Variants in DNAH12 observed in about 807,000 individuals in gnomAD.
The protein encoded by DNAH12 is dynein axonemal heavy chain 12.
A neutral mutation model predicts 371.5 loss-of-function variants in DNAH12; 285 were observed. The ratio of observed to expected loss-of-function variants is 0.77; its 90% CI spans 0.70 to 0.85. The LOEUF (loss-of-function observed/expected upper bound fraction) is 0.85. DNAH12 is among the 40% of genes least tolerant of loss of function. The pLI, the probability that DNAH12 is intolerant of heterozygous loss-of-function variation, is 0.00. For missense variants in DNAH12, 3,611 were observed against 3,689.4 expected (o/e 0.98, Z 0.55); for synonymous variants, 1,200 against 1,213.0 (o/e 0.99, Z 0.22).
In DNAH12 at chr3:57,462,730, T is replaced by A; in HGVS notation, c.2495A>T (p.Tyr832Phe). Residue 832 changes from tyrosine (Y) to phenylalanine (F), a missense_variant, in exon 18 of 74, where the codon TAC becomes TTC. By Grantham distance (22) the Tyr-to-Phe change is conservative (BLOSUM62 3). This residue lies in a region of DNAH12 where 1,314 missense variants were observed against 1,398.7 expected (regional missense o/e 0.94). Coordinates refer to ENST00000495027, the MANE Select transcript of DNAH12 (RefSeq NM_001366028.2). ...RKVLKLNLTP[Y>F]LEQFEVISAG... ...ACTTATCACTTCAAATTGTTCCAAG[T>A]ATGGGGTAAGGTTTAATTTTAAAAC... 1 of 1,551,512 alleles carries A rather than the reference T, an allele frequency of 6.4e-7. No individual in the cohort carries two copies. Among genetic ancestry groups the A allele is most frequent in the Non-Finnish European group, 8.7e-7 (1 of 1,146,882 alleles).
At chr3:57,389,431 A>AT (rs2063563428) in intron 45 of DNAH12, among the ~76,000 whole-genome samples, 1 of 152,110 alleles carries the variant, frequency 6.6e-6, no homozygotes. Context: ...GAAGTAGGGT[A>AT]TTTCCAGGGT....
At chr3:57,352,313 T>A (rs1553660777) in intron 59 of DNAH12, 88 bp from the exon 60 acceptor site, 2 of 1,340,010 alleles carry the variant, frequency 1.5e-6, no homozygotes, top group Non-Finnish European at 2.0e-6. Flanking sequence ...TTTTATTTTA[T>A]GAAAGTATCA....
At chr3:57,537,188 T>C (rs969274309) in intron 2 of DNAH12, among the ~76,000 whole-genome samples, 3 of 151,920 alleles carry the variant, frequency 2.0e-5, no homozygotes, top group South Asian at 4.2e-4. Context: ...AGTGAGACCT[T>C]GTCTCAGAAA....
At chr3:57,339,088 T>G (rs1356553672) in intron 60 of DNAH12, among the ~76,000 whole-genome samples, 2 of 152,170 alleles carry the variant, frequency 1.3e-5, no homozygotes, top group African/African-American at 4.8e-5. Context: ...CCCAACCCCG[T>G]GCTCTCTGAA....
chr3:57,407,558 C>G (rs1215556347), intron 40 of DNAH12, among the ~76,000 whole-genome samples: 1 of 152,158 alleles, frequency 6.6e-6, no homozygotes, highest in Non-Finnish European at 1.5e-5. Context: ...AGGGAGTTTT[C>G]TGCTTCCTGT....
intron 10 of DNAH12, 122 bp downstream of exon 10, chr3:57,502,201 C>G: frequency 7.5e-7 from 1 of 1,332,686 alleles, no homozygotes; most frequent in Non-Finnish European, 1.0e-6. Flanking sequence ...AAAGCTACGC[C>G]TATGCTCACT....
chr3:57,534,907 T>C (rs6791756), intron 2 of DNAH12, among the ~76,000 whole-genome samples: 127,529 of 152,188 alleles, frequency 0.84, 54,107 homozygotes, highest in African/African-American at 0.95. Flanking sequence ...TATTCTTTGT[T>C]CATGTTTACT....
At chr3:57,438,627 C>T (rs1455303800) in intron 29 of DNAH12, among the ~76,000 whole-genome samples, 3 of 151,968 alleles carry the variant, frequency 2.0e-5, no homozygotes, top group Admixed American at 2.0e-4. Context: ...CATTTCCACA[C>T]ACCAATAACA....
At chr3:57,373,992 C>G (rs2063230834) in intron 55 of DNAH12, among the ~76,000 whole-genome samples, 1 of 152,124 alleles carries the variant, frequency 6.6e-6, no homozygotes, top group Non-Finnish European at 1.5e-5. Flanking sequence ...ATAACTCAAA[C>G]TTTCAGGATG....
chr3:57,515,487 G>A lies in DNAH12; in HGVS notation c.280-4508C>T, dbSNP rs554174911. Among the ~76,000 whole-genome samples the A allele has an allele frequency of 2.4e-4, 36 of 152,228 alleles. 1 individual carries two copies. In the East Asian group the frequency reaches 7.0e-3, roughly 29 times the overall value. On this transcript the variant is annotated intron_variant, in intron 4 of 73. Coordinates refer to ENST00000495027, the MANE Select transcript of DNAH12 (RefSeq NM_001366028.2). ...AAGCCAGGCCTTGTGGCGCATGCCT[G>A]TAATCCCAGCTACTCAGGAGGCTGG...
chr3:57,544,502 G>C (rs2069440568), upstream of DNAH12, among the ~76,000 whole-genome samples: 1 of 152,214 alleles, frequency 6.6e-6, no homozygotes, highest in South Asian at 2.1e-4. Context: ...TAAATGGGGT[G>C]TGAGGTTTTG....
At chr3:57,462,646 A>C in intron 18 of DNAH12, 44 bp downstream of exon 18, 1 of 1,522,298 alleles carries the variant, frequency 6.6e-7, no homozygotes, top group Non-Finnish European at 8.8e-7. Context: ...TACTTGATTA[A>C]CGAAGTCATC....
At chr3:57,537,669 T>TA (rs1203088254) in intron 2 of DNAH12, among the ~76,000 whole-genome samples, 4 of 150,982 alleles carry the variant, frequency 2.6e-5, no homozygotes, top group Non-Finnish European at 4.4e-5. Flanking sequence ...AGGTATTTTT[T>TA]AAAAAATGGT....
chr3:57,349,985 C>G (rs6802608), intron 60 of DNAH12, among the ~76,000 whole-genome samples: 1 of 152,152 alleles, frequency 6.6e-6, no homozygotes, highest in Non-Finnish European at 1.5e-5. Context: ...CCACCACACC[C>G]GGACTGGAGA....
intron 73 of DNAH12, among the ~76,000 whole-genome samples, chr3:57,294,204 T>C (rs887463869): frequency 7.0e-6 from 1 of 142,622 alleles, no homozygotes; most frequent in African/African-American, 2.7e-5. Context: ...GGAGACTGAG[T>C]CTCACTCTGT....
At chr3:57,447,315 T>C (rs1183640608) in intron 25 of DNAH12, among the ~76,000 whole-genome samples, 1 of 152,232 alleles carries the variant, frequency 6.6e-6, no homozygotes, top group Non-Finnish European at 1.5e-5. Flanking sequence ...ATATCAGCAG[T>C]ATTTGAATTA....
At chr3:57,519,703 T>C (rs2068337955) in intron 4 of DNAH12, 2 of 1,610,794 alleles carry the variant, frequency 1.2e-6, no homozygotes, top group Non-Finnish European at 1.7e-6. Flanking sequence ...CCAGTCCTGC[T>C]GGCAGAGAGG....
chr3:57,539,615 C>CTTTTTTTT (rs11359818), intron 2 of DNAH12, among the ~76,000 whole-genome samples: 2 of 128,822 alleles, frequency 1.6e-5, no homozygotes, highest in Non-Finnish European at 1.6e-5. Flanking sequence ...TTTCCTTTTC[C>CTTTTTTTT]TTTTTTTTTT....
At chr3:57,314,403 G>T in intron 66 of DNAH12, 91 bp downstream of exon 66, 1 of 1,468,008 alleles carries the variant, frequency 6.8e-7, no homozygotes, top group Non-Finnish European at 9.2e-7. Flanking sequence ...TTAGTGTTGG[G>T]AGAAGTGAAT....
Sources: allele counts gnomAD v4.1 joint callset (sites outside exome capture counted in the v4.1 genomes callset), GRCh38; gene constraint gnomAD v4.1.1; regional missense constraint gnomAD v4.1.1; transcripts MANE v1.5; gene names NCBI Gene and HGNC (gene_info 2026-07-23, HGNC 2026-07-21).